CSTPP1: variants seen among roughly 807,000 people sequenced by gnomAD.
CSTPP1 encodes centriolar satellite-associated tubulin polyglutamylase complex regulator 1.
chr11:47,057,215 C>A, the CSTPP1 span, among the ~76,000 whole-genome samples: 1 of 152,096 alleles, frequency 6.6e-6, no homozygotes, highest in Non-Finnish European at 1.5e-5. Context: ...TTTAAAATTA[C>A]ACTTCTCACT....
At chr11:47,007,373 G>C in the CSTPP1 span, among the ~76,000 whole-genome samples, 1 of 151,970 alleles carries the variant, frequency 6.6e-6, no homozygotes, top group African/African-American at 2.4e-5. Flanking sequence ...ATTTTCTTCT[G>C]ATCTATTTTC....
chr11:47,038,791 G>A, the CSTPP1 span, among the ~76,000 whole-genome samples: 2,166 of 121,534 alleles, frequency 0.018, 166 homozygotes, highest in African/African-American at 0.051. Flanking sequence ...CAGATGGGGC[G>A]GTTGCCGGGC....
the CSTPP1 span, among the ~76,000 whole-genome samples, chr11:46,962,384 T>C: frequency 6.6e-6 from 1 of 152,228 alleles, no homozygotes; most frequent in East Asian, 1.9e-4. Flanking sequence ...ACAAATTTGT[T>C]CTTCTTTTTC....
At chr11:47,077,166 G>A in the CSTPP1 span, among the ~76,000 whole-genome samples, 9 of 147,820 alleles carry the variant, frequency 6.1e-5, no homozygotes, top group African/African-American at 1.7e-4. Context: ...GTACCAAACC[G>A]AACTATCAAT....
chr11:46,956,666 AT>A, the CSTPP1 span, among the ~76,000 whole-genome samples: 2 of 151,168 alleles, frequency 1.3e-5, no homozygotes, highest in Non-Finnish European at 2.9e-5. Context: ...ATTTTTCAGC[AT>A]TAAAAACAAT....
chr11:46,951,340 A>G, the CSTPP1 span, among the ~76,000 whole-genome samples: 5 of 145,300 alleles, frequency 3.4e-5, no homozygotes, highest in African/African-American at 1.3e-4. Flanking sequence ...TCTGTCATCC[A>G]GGCTGAAGTG....
the CSTPP1 span, among the ~76,000 whole-genome samples, chr11:46,964,791 G>T: frequency 6.6e-6 from 1 of 152,172 alleles, no homozygotes; most frequent in South Asian, 2.1e-4. Flanking sequence ...CCCTCAGAAA[G>T]CTGATCACTG....
At chr11:47,012,762 A>G in the CSTPP1 span, among the ~76,000 whole-genome samples, 3 of 151,974 alleles carry the variant, frequency 2.0e-5, no homozygotes, top group African/African-American at 7.3e-5. Flanking sequence ...ATAAATCAGG[A>G]TTCATAATCT....
At chr11:47,066,976 G>T in the CSTPP1 span, among the ~76,000 whole-genome samples, 1 of 152,154 alleles carries the variant, frequency 6.6e-6, no homozygotes, top group Non-Finnish European at 1.5e-5. Flanking sequence ...TGTTTATGTC[G>T]ATTAGCCTAT....
At chr11:46,967,022 A>G in the CSTPP1 span, among the ~76,000 whole-genome samples, 1 of 152,030 alleles carries the variant, frequency 6.6e-6, no homozygotes, top group Non-Finnish European at 1.5e-5. Context: ...GACAGACTCT[A>G]TGGTGTCTTT....
At chr11:47,114,029 A>G in the CSTPP1 span, among the ~76,000 whole-genome samples, 2 of 152,110 alleles carry the variant, frequency 1.3e-5, no homozygotes, top group African/African-American at 2.4e-5. Flanking sequence ...TTTGTATAAG[A>G]TGTAAGGAAG....
At chr11:47,053,490 A>C in the CSTPP1 span, among the ~76,000 whole-genome samples, 2 of 151,406 alleles carry the variant, frequency 1.3e-5, no homozygotes, top group Non-Finnish European at 1.5e-5. Context: ...GTGGTGGCGC[A>C]CTCCTATAAT....
At chr11:46,941,869 A>G in the CSTPP1 span, among the ~76,000 whole-genome samples, 3 of 152,232 alleles carry the variant, frequency 2.0e-5, 1 homozygote, top group Admixed American at 2.0e-4. Context: ...CAAAAGCTAA[A>G]GTTGAGTTCC....
chr11:47,002,465 G>A, the CSTPP1 span, among the ~76,000 whole-genome samples: 1 of 152,134 alleles, frequency 6.6e-6, no homozygotes, highest in Non-Finnish European at 1.5e-5. Flanking sequence ...CAGTCCCTTT[G>A]TATTATGGTT....
chr11:47,088,672 A>G, the CSTPP1 span, among the ~76,000 whole-genome samples: 2 of 152,030 alleles, frequency 1.3e-5, no homozygotes, highest in South Asian at 2.1e-4. Flanking sequence ...TCAGCCTCCC[A>G]AGTAGCTGGG....
the CSTPP1 span, among the ~76,000 whole-genome samples, chr11:47,149,496 C>CT: frequency 6.6e-6 from 1 of 152,208 alleles, no homozygotes; most frequent in Non-Finnish European, 1.5e-5. Context: ...AAGGAAGGAG[C>CT]TGTCTGTGGG....
chr11:47,154,852 C>T, the CSTPP1 span: 2 of 446,756 alleles, frequency 4.5e-6, no homozygotes, highest in Non-Finnish European at 4.1e-6. Context: ...ATTACAGTTG[C>T]ACCCTCTCCT....
At chr11:47,161,229 G>A in the CSTPP1 span, 2 of 1,614,080 alleles carry the variant, frequency 1.2e-6, no homozygotes, top group South Asian at 2.2e-5. Context: ...CCTTGTGGGG[G>A]CCAGACGGGT....
chr11:47,013,439 C>T, the CSTPP1 span, among the ~76,000 whole-genome samples: 1 of 152,116 alleles, frequency 6.6e-6, no homozygotes, highest in Non-Finnish European at 1.5e-5. Context: ...ATGTTGTTCC[C>T]ATCCCCATGT....
Sources: allele counts gnomAD v4.1 joint callset (sites outside exome capture counted in the v4.1 genomes callset), GRCh38; gene constraint gnomAD v4.1.1; transcripts MANE v1.5; gene names NCBI Gene and HGNC (gene_info 2026-07-23, HGNC 2026-07-21).